PHB1: variants seen among roughly 807,000 people sequenced by gnomAD.
PHB1 encodes the protein prohibitin 1.
the PHB1 span, chr17:49,406,966 A>G: frequency 1.3e-6 from 1 of 750,478 alleles, no homozygotes; most frequent in Non-Finnish European, 2.4e-6. Flanking sequence ...TAGCAGCTGG[A>G]GGCATCCGTG....
At chr17:49,413,013 T>A in the PHB1 span, 1 of 590,032 alleles carries the variant, frequency 1.7e-6, no homozygotes, top group Non-Finnish European at 3.0e-6. Context: ...TCAGGGGCTC[T>A]GATAACAATG....
chr17:49,407,858 G>A, the PHB1 span, among the ~76,000 whole-genome samples: 2 of 152,144 alleles, frequency 1.3e-5, no homozygotes, highest in Non-Finnish European at 2.9e-5. Flanking sequence ...CTTAGTCAAA[G>A]TTTGGGTAAG....
At chr17:49,411,046 C>G in the PHB1 span, among the ~76,000 whole-genome samples, 1 of 152,158 alleles carries the variant, frequency 6.6e-6, no homozygotes, top group Non-Finnish European at 1.5e-5. Flanking sequence ...AACTGGGCAC[C>G]AAGAGAGGTG....
At chr17:49,404,616 G>A in the PHB1 span, 1 of 304,636 alleles carries the variant, frequency 3.3e-6, no homozygotes, top group South Asian at 3.0e-5. Context: ...CAGGACGGAG[G>A]CCACACGTGG....
At chr17:49,411,938 T>C in the PHB1 span, 5 of 1,100,812 alleles carry the variant, frequency 4.5e-6, no homozygotes, top group South Asian at 1.5e-5. Flanking sequence ...TGTTCACTTA[T>C]TAAGTCTCCC....
chr17:49,405,265 C>A, the PHB1 span: 63 of 1,437,708 alleles, frequency 4.4e-5, no homozygotes, highest in Non-Finnish European at 6.1e-5. Context: ...CAGGCTACAA[C>A]CAAAGGCCCT....
the PHB1 span, chr17:49,411,810 C>G: frequency 1.2e-6 from 2 of 1,614,026 alleles, no homozygotes. Flanking sequence ...CGGAATCGGT[C>G]AAAGATGACA....
chr17:49,406,551 G>C, the PHB1 span, among the ~76,000 whole-genome samples: 353 of 152,330 alleles, frequency 2.3e-3, 1 homozygote, highest in African/African-American at 8.0e-3. Context: ...TTACCCTTCA[G>C]TGATTTAGGA....
At chr17:49,406,648 C>T in the PHB1 span, 1 of 791,214 alleles carries the variant, frequency 1.3e-6, no homozygotes, top group Non-Finnish European at 2.2e-6. Context: ...TTCTGATTAT[C>T]CCGGAAGAAG....
the PHB1 span, among the ~76,000 whole-genome samples, chr17:49,410,119 G>C: frequency 6.6e-6 from 1 of 152,124 alleles, no homozygotes; most frequent in African/African-American, 2.4e-5. Flanking sequence ...CTGGGCTCAA[G>C]TGATCCAACT....
the PHB1 span, among the ~76,000 whole-genome samples, chr17:49,410,968 C>T: frequency 3.3e-5 from 5 of 152,154 alleles, no homozygotes; most frequent in African/African-American, 1.2e-4. Context: ...CTGCCTGGAG[C>T]CAAAGCACTG....
chr17:49,410,407 A>G, the PHB1 span, among the ~76,000 whole-genome samples: 1 of 152,186 alleles, frequency 6.6e-6, no homozygotes, highest in Non-Finnish European at 1.5e-5. Context: ...AACCCAATAG[A>G]GCATCATAAA....
the PHB1 span, chr17:49,404,574 C>T: frequency 3.6e-6 from 1 of 278,120 alleles, no homozygotes; most frequent in Non-Finnish European, 7.0e-6. Flanking sequence ...TTCAGCCGCA[C>T]ATGCCCTCAT....
At chr17:49,405,272 C>T in the PHB1 span, 65 of 1,381,850 alleles carry the variant, frequency 4.7e-5, no homozygotes, top group East Asian at 2.4e-4. Context: ...CAACCAAAGG[C>T]CCTTCACCAG....
chr17:49,413,008 G>T, the PHB1 span: 5 of 581,634 alleles, frequency 8.6e-6, no homozygotes, highest in African/African-American at 7.5e-5. Flanking sequence ...AAAGGTCAGG[G>T]GCTCTGATAA....
At chr17:49,412,037 C>A in the PHB1 span, 33 of 552,040 alleles carry the variant, frequency 6.0e-5, no homozygotes, top group Non-Finnish European at 1.1e-4. Flanking sequence ...CCACATGTCC[C>A]CAAGGATTGG....
chr17:49,404,744 T>C, the PHB1 span: 1 of 532,530 alleles, frequency 1.9e-6, no homozygotes, highest in Non-Finnish European at 3.4e-6. Flanking sequence ...TAAAGCTGGT[T>C]TGCATAGGCA....
At chr17:49,409,102 C>T in the PHB1 span, 2 of 1,613,880 alleles carry the variant, frequency 1.2e-6, no homozygotes, top group Non-Finnish European at 1.7e-6. Flanking sequence ...GGTCGTCGCT[C>T]ACCTGCCTGG....
the PHB1 span, among the ~76,000 whole-genome samples, chr17:49,406,426 C>G: frequency 2.6e-5 from 4 of 152,210 alleles, no homozygotes; most frequent in Admixed American, 2.6e-4. Flanking sequence ...TTGCTGTCAG[C>G]TTTCACTATG....
Sources: allele counts gnomAD v4.1 joint callset (sites outside exome capture counted in the v4.1 genomes callset), GRCh38; gene constraint gnomAD v4.1.1; transcripts MANE v1.5; gene names NCBI Gene and HGNC (gene_info 2026-07-23, HGNC 2026-07-21).